Variants in PSMC1 observed in about 807,000 individuals in gnomAD.
PSMC1 encodes the protein 26S proteasome regulatory subunit 4.
A neutral mutation model predicts 49.8 loss-of-function variants in PSMC1; 5 were observed. The observed-to-expected ratio is 0.10, with a 90% CI of 0.05 to 0.21. The LOEUF is 0.21. PSMC1 is among the 10% of genes least tolerant of loss of function. The probability of loss-of-function intolerance (pLI) is 1.00; values close to 1 mark genes in which losing one functional copy is unlikely to be tolerated. For synonymous variants in PSMC1, 155 were observed against 192.1 expected, an observed-to-expected ratio of 0.81 and a Z score of 1.60; for missense variants, 181 against 535.7, an observed-to-expected ratio of 0.34 and a Z score of 6.54.
chr14:90,259,731 C>T (rs1891360721), intron 2 of PSMC1, among the ~76,000 whole-genome samples: 1 of 152,158 alleles, frequency 6.6e-6, no homozygotes, highest in South Asian at 2.1e-4. Flanking sequence ...AAGCAATTCT[C>T]CTGTCTCAGC....
chr14:90,258,704 T>G (rs1219219887), intron 1 of PSMC1, among the ~76,000 whole-genome samples: 1 of 152,188 alleles, frequency 6.6e-6, no homozygotes. Flanking sequence ...GTGATCTAAG[T>G]AAGGGGTAAA....
rs1891740973 is a variant in PSMC1 at position 90,274,215 on chromosome 14, GGGCAGGGTGAGGCT to G, written c.*1813_*1826del. On this transcript the variant is annotated 3_prime_UTR_variant, in exon 11 of 11. Coordinates refer to ENST00000261303, the MANE Select transcript of PSMC1 (RefSeq NM_002802.3). ...ACACCACAGCACGGGGACTCAGCAT[GGGCAGGGTGAGGCT>G]GGCATCCGTGTGGGGTGTATGTGCA... The G allele has an allele frequency of 6.4e-6, 1 of 155,276 alleles. No homozygotes were observed. Among genetic ancestry groups the G allele is most frequent in the Non-Finnish European group, 1.5e-5 (1 of 68,674 alleles). 9.6% of individuals were successfully genotyped at this position (155,276 alleles called of 1,614,324 possible).
chr14:90,258,406 G>C (rs983001067), intron 1 of PSMC1, among the ~76,000 whole-genome samples: 3 of 152,148 alleles, frequency 2.0e-5, no homozygotes, highest in Non-Finnish European at 4.4e-5. Flanking sequence ...CCTGTGTGGA[G>C]CTGATTTGAG....
chr14:90,269,930 G>A (rs757818285), intron 9 of PSMC1: 1 of 447,564 alleles, frequency 2.2e-6, no homozygotes, highest in Non-Finnish European at 3.9e-6. Context: ...AACACAATAG[G>A]TCTGCCCAGT....
chr14:90,261,249 C>A (rs957454911), intron 3 of PSMC1, among the ~76,000 whole-genome samples: 2 of 152,222 alleles, frequency 1.3e-5, no homozygotes, highest in African/African-American at 2.4e-5. Context: ...ACTTGCTTCT[C>A]ATCCTTTAGG....
chr14:90,265,790 T>C (rs569257587), intron 7 of PSMC1, among the ~76,000 whole-genome samples: 50 of 150,196 alleles, frequency 3.3e-4, no homozygotes, highest in African/African-American at 1.2e-3. Context: ...GCCCTGGAGG[T>C]TGAGGCTACA....
chr14:90,261,749 C>T (rs1281527632), intron 3 of PSMC1, among the ~76,000 whole-genome samples: 1 of 151,796 alleles, frequency 6.6e-6, no homozygotes, highest in Non-Finnish European at 1.5e-5. Flanking sequence ...TGTGGCGATT[C>T]CTCAAGGATC....
rs1414892525 is a variant in PSMC1 at position 90,264,111 on chromosome 14, C to T, written c.536C>T (p.Ala179Val). Residue 179 changes from alanine to valine, a missense_variant, in exon 6 of 11, where the codon GCC becomes GTC. Coordinates refer to ENST00000261303, the MANE Select transcript of PSMC1 (RefSeq NM_002802.3). ...GTCACAGTGATGAAGGTAGAAAAGG[C>T]CCCCCAGGAGACCTATGCAGATATT... ...PLVTVMKVEK[A>V]PQETYADIGG... 32 of 1,613,016 alleles carry T rather than the reference C, an allele frequency of 2.0e-5. No homozygotes were observed. The highest frequency in any genetic ancestry group is 2.6e-5 in the Non-Finnish European group (31 of 1,179,738).
At chr14:90,257,186 A>G (rs1365885777) in intron 1 of PSMC1, among the ~76,000 whole-genome samples, 3 of 144,090 alleles carry the variant, frequency 2.1e-5, no homozygotes, top group Admixed American at 7.3e-5. Context: ...TCACTAAACA[A>G]GTATTTACTG....
At chr14:90,263,613 C>T (rs1202427605) in intron 4 of PSMC1, 49 bp from the exon 5 acceptor site, 1 of 1,583,060 alleles carries the variant, frequency 6.3e-7, no homozygotes, top group East Asian at 2.2e-5. Context: ...TCAGGATCAT[C>T]TACTTTGAGG....
At chr14:90,270,114 T>C (rs1354240988) in intron 9 of PSMC1, 84 bp from the exon 10 acceptor site, 2 of 1,423,654 alleles carry the variant, frequency 1.4e-6, no homozygotes, top group African/African-American at 2.8e-5. Flanking sequence ...ACTTCGTATG[T>C]AAGGAGATGG....
At chr14:90,268,708 G>T in intron 8 of PSMC1, 1 of 291,700 alleles carries the variant, frequency 3.4e-6, no homozygotes, top group Non-Finnish European at 6.3e-6. Flanking sequence ...TGCCCTGGAG[G>T]AGCTCACAGG....
chr14:90,266,378 A>G (rs1891514705), intron 7 of PSMC1, among the ~76,000 whole-genome samples: 1 of 152,236 alleles, frequency 6.6e-6, no homozygotes, highest in South Asian at 2.1e-4. Context: ...GAGAATTGAC[A>G]GTGTTCCTAA....
intron 7 of PSMC1, 95 bp downstream of exon 7, chr14:90,265,261 C>T: frequency 4.9e-6 from 4 of 815,646 alleles, no homozygotes; most frequent in African/African-American, 1.7e-5. Flanking sequence ...AGAGAGGACA[C>T]CACAATTCCT....
chr14:90,261,988 T>C (rs1002747614), intron 3 of PSMC1, among the ~76,000 whole-genome samples: 1 of 152,026 alleles, frequency 6.6e-6, no homozygotes, highest in African/African-American at 2.4e-5. Flanking sequence ...GATGAGTTCA[T>C]GTCCTTTGTA....
chr14:90,259,385 G>A (rs1489328547), intron 2 of PSMC1, among the ~76,000 whole-genome samples, 172 bp downstream of exon 2: 1 of 152,118 alleles, frequency 6.6e-6, no homozygotes, highest in African/African-American at 2.4e-5. Flanking sequence ...CTTTAGAAAA[G>A]GTTATTGACC....
chr14:90,257,473 A>G (rs1566670461), intron 1 of PSMC1, among the ~76,000 whole-genome samples: 1 of 152,012 alleles, frequency 6.6e-6, no homozygotes, highest in East Asian at 1.9e-4. Flanking sequence ...TGAGGGAGTA[A>G]CCCCTGCAGA....
Position 90,272,524 on chromosome 14 carries a change from A to T in PSMC1, c.*117A>T, listed in dbSNP as rs1891696577. 1 of 660,212 alleles carries T rather than the reference A, an allele frequency of 1.5e-6. No individual in the cohort carries two copies. The highest frequency in any genetic ancestry group is 2.9e-5 in the East Asian group (1 of 35,050). The allele number at this position is 660,212 out of a possible 1,614,324, so 40.9% of individuals were successfully genotyped here. On this transcript the variant is annotated 3_prime_UTR_variant, in exon 11 of 11. Transcript: ENST00000261303. The surrounding 1 kb of genome is among the most constrained non-coding windows in gnomAD (Gnocchi z 4.5). ...TCCCACTGATTTTTATTAGCAAAAC[A>T]TCCTGTGTCTTTTGGAGTACGATGT...
At chr14:90,263,048 T>C (rs12896540) in intron 3 of PSMC1, among the ~76,000 whole-genome samples, 50,049 of 152,032 alleles carry the variant, frequency 0.33, 9,192 homozygotes, top group East Asian at 0.52. Context: ...AGTAGCTTTT[T>C]TCTTCTTTAA....
Sources: allele counts gnomAD v4.1 joint callset (sites outside exome capture counted in the v4.1 genomes callset), GRCh38; gene constraint gnomAD v4.1.1; non-coding constraint Gnocchi (gnomAD v3.1); transcripts MANE v1.5; gene names NCBI Gene and HGNC (gene_info 2026-07-23, HGNC 2026-07-21).